Variants in TNS1 observed in about 807,000 individuals in gnomAD.
TNS1 encodes the protein tensin 1.
TNS1 carries 62 observed loss-of-function variants against 168.6 expected under a neutral mutation model. The ratio of observed to expected loss-of-function variants is 0.37; its 90% confidence interval spans 0.30 to 0.45. The LOEUF (loss-of-function observed/expected upper bound fraction) is 0.45, where lower values mean the gene tolerates loss of function less well. Among genes scored for constraint, TNS1 ranks in the 20% least tolerant of loss-of-function variants. The pLI is 1.00. For missense variants in TNS1, 2,240 were observed against 2,339.4 expected (o/e 0.96, Z 0.88); for synonymous variants, 934 against 933.2 (o/e 1.00, Z -0.02).
At chr2:217,964,928 G>A (rs1575143153) in intron 3 of TNS1, among the ~76,000 whole-genome samples, 1 of 152,218 alleles carries the variant, frequency 6.6e-6, no homozygotes, top group African/African-American at 2.4e-5. Flanking sequence ...GCTGCAAGGG[G>A]CATTGGCCAA....
At chr2:217,856,094 C>A (rs550438326) in intron 18 of TNS1, among the ~76,000 whole-genome samples, 1 of 152,302 alleles carries the variant, frequency 6.6e-6, no homozygotes, top group Non-Finnish European at 1.5e-5. Context: ...ACAACATATG[C>A]ATCGAAAAGT....
upstream of TNS1, among the ~76,000 whole-genome samples, chr2:218,014,567 T>C (rs1958739227): frequency 3.3e-5 from 5 of 152,336 alleles, no homozygotes; most frequent in South Asian, 1.0e-3. Flanking sequence ...CTATCTAATA[T>C]GGACTCTGTG....
At position 217,836,822 on chromosome 2, in the gene TNS1, C is replaced by T. The variant is rs75429082; in HGVS notation, c.3008-611G>A. ...AACTCCCCTTATACTGGCCTCTTAGCTCCCCGCCCCCTTTTCCCTGCCCCA... is the reference window on the plus strand; with the variant it reads ...AACTCCCCTTATACTGGCCTCTTAGTTCCCCGCCCCCTTTTCCCTGCCCCA... On this transcript the variant is annotated intron_variant, in intron 19 of 32. Transcript: ENST00000682258. Among the ~76,000 whole-genome samples the T allele has an allele frequency of 8.5e-4, 130 of 152,290 alleles. No homozygotes were observed. In the East Asian group the frequency reaches 0.022, roughly 26 times the overall value.
chr2:217,918,037 G>T (rs13426335), intron 4 of TNS1, among the ~76,000 whole-genome samples: 1 of 151,812 alleles, frequency 6.6e-6, no homozygotes, highest in Non-Finnish European at 1.5e-5. Context: ...GACAAGACAC[G>T]GGTGAACGAG....
chr2:217,920,318 T>TC (rs1955587250), intron 3 of TNS1, 82 bp from the exon 4 acceptor site: 1 of 696,944 alleles, frequency 1.4e-6, no homozygotes, highest in South Asian at 1.5e-5. Flanking sequence ...ACCCCACACC[T>TC]CCCCCTGCTT....
At chr2:217,836,268 A>G (rs1471744151) in intron 19 of TNS1, 57 bp from the exon 20 acceptor site, 3 of 1,522,308 alleles carry the variant, frequency 2.0e-6, no homozygotes, top group Non-Finnish European at 2.7e-6. Context: ...GAAATGATCA[A>G]TCGGCCTAAT....
In TNS1 at chr2:217,817,796, A is replaced by G. The variant is rs1161858564; in HGVS notation, c.4536T>C (p.Asn1512=). Residue 1512 remains asparagine (N), a synonymous_variant, in exon 24 of 33, where the codon AAT becomes AAC. Transcript: ENST00000682258. ...AGSLPNYATI[N]GKVSSPVASG... is the part of the protein sequence containing the mutation. ...TGGCGACAGGCGAAGACACCTTCCC[A>G]TTGATGGTGGCATAGTTGGGGAGGC... 6.2e-7 allele frequency: 1 copy of G among 1,614,206 alleles called. No homozygotes were observed.
intron 6 of TNS1, chr2:217,905,424 G>A (rs1280123394): frequency 1.2e-5 from 5 of 430,888 alleles, no homozygotes; most frequent in Non-Finnish European, 1.9e-5. Context: ...GGGCAATGTG[G>A]TGGTGGCAGT....
chr2:217,843,825 CT>C (rs1245867623), intron 19 of TNS1, among the ~76,000 whole-genome samples: 2 of 152,162 alleles, frequency 1.3e-5, no homozygotes, highest in Non-Finnish European at 1.5e-5. Context: ...AAGTTCTTTT[CT>C]CTCCAAGCCC....
Position 217,847,901 on chromosome 2 carries a change from C to G in TNS1, c.2616G>C (p.Gln872His), listed in dbSNP as rs765535009. Residue 872 changes from glutamine to histidine, a missense_variant, in exon 19 of 33, where the codon CAG becomes CAC. Around this residue, in one of 2 missense-constraint regions of TNS1, gnomAD observed 2,131 missense variants for 2,171.2 expected, o/e 0.98. Transcript: ENST00000682258. ...AWPGASPLSSQPLSGSSRQSH... is the reference protein window; with the variant it reads ...AWPGASPLSSHPLSGSSRQSH... ...ACTGACGGGAGGATCCAGAGAGGGG[C>G]TGGGAGGAGAGTGGAGAAGCCCCTG... 1.3e-6 allele frequency: 2 copies of G among 1,542,466 alleles called. No individual in the cohort carries two copies. The highest frequency in any genetic ancestry group is 1.8e-6 in the Non-Finnish European group (2 of 1,137,668).
intron 19 of TNS1, chr2:217,842,228 A>G (rs987214996): frequency 1.6e-6 from 1 of 629,300 alleles, no homozygotes; most frequent in African/African-American, 1.8e-5. Flanking sequence ...GTACACGTCA[A>G]CAATTCCCAT....
chr2:218,020,839 C>A (rs960615696), intron 1 of TNS1, among the ~76,000 whole-genome samples: 3 of 152,156 alleles, frequency 2.0e-5, no homozygotes. Flanking sequence ...ACCAATCCCC[C>A]CTTGACTATC....
At chr2:217,806,113 T>C (rs1025983956) in intron 32 of TNS1, among the ~76,000 whole-genome samples, 10 of 152,164 alleles carry the variant, frequency 6.6e-5, no homozygotes, top group Admixed American at 5.2e-4. Context: ...ATGCCAGCCC[T>C]GGCTGCGGGT....
intron 3 of TNS1, among the ~76,000 whole-genome samples, chr2:217,971,049 G>C (rs952323532): frequency 6.6e-6 from 1 of 152,158 alleles, no homozygotes; most frequent in African/African-American, 2.4e-5. Context: ...GGCTGCAAAG[G>C]AAGTGCACAT....
chr2:218,009,695 C>A (rs1028240798), intron 1 of TNS1, among the ~76,000 whole-genome samples: 1 of 152,196 alleles, frequency 6.6e-6, no homozygotes, highest in Non-Finnish European at 1.5e-5. Flanking sequence ...TTCTGGGGAT[C>A]GGGGGACAGG....
Position 217,813,796 on chromosome 2 carries a change from G to C in TNS1, c.4750C>G (p.Gln1584Glu). The change falls in exon 26 of 33, where the codon CAG (glutamine) becomes GAG (glutamate). Residue 1584 changes from glutamine (Q) to glutamate (E), a missense_variant. Around this residue, in one of 2 missense-constraint regions of TNS1, gnomAD observed 2,131 missense variants for 2,171.2 expected, o/e 0.98. Coordinates refer to ENST00000682258, the MANE Select transcript of TNS1 (RefSeq NM_001387777.1). This position sits in a 1 kb window ranked among gnomAD's most constrained non-coding sequence, Gnocchi z 4.0. ...CGGATGATGAAGGCCCCCGGCTCCT[G>C]GTCCTTGAGGAGCGCGATGGCTGCA... The part of the protein sequence containing the change: ...REQAIALLKD[Q>E]EPGAFIIRDS... 1.2e-6 allele frequency: 2 copies of C among 1,612,688 alleles called. No homozygotes were observed. The highest frequency in any genetic ancestry group is 1.7e-6 in the Non-Finnish European group (2 of 1,179,278).
chr2:217,833,426 T>A (rs1042585718), intron 21 of TNS1, among the ~76,000 whole-genome samples: 2 of 152,210 alleles, frequency 1.3e-5, no homozygotes, highest in Non-Finnish European at 2.9e-5. Flanking sequence ...TCCCTAACCC[T>A]GTGTGTCTAT....
In TNS1 at chr2:217,965,030, A is replaced by G. The variant is rs780963533; in HGVS notation, c.186+13735T>C. ...GGGCGGAGCAGAGATAAACAACTGCAGGGGAGGGGAATACACAGGGCCAGC... is the reference window on the plus strand; with the variant it reads ...GGGCGGAGCAGAGATAAACAACTGCGGGGGAGGGGAATACACAGGGCCAGC... On this transcript the variant is annotated intron_variant, in intron 3 of 32. Coordinates refer to ENST00000682258, the MANE Select transcript of TNS1 (RefSeq NM_001387777.1). 2.0e-5 allele frequency among the ~76,000 whole-genome samples: 3 copies of G among 152,186 alleles called. No individual in the cohort carries two copies. In the South Asian group the frequency reaches 6.2e-4, roughly 32 times the overall value.
chr2:217,994,491 A>G (rs1273845707), intron 1 of TNS1, among the ~76,000 whole-genome samples: 1 of 152,120 alleles, frequency 6.6e-6, no homozygotes, highest in Admixed American at 6.5e-5. Context: ...AGTCAGGCAA[A>G]GCTTCCCATT....
Sources: gnomAD v4.1 joint callset for allele counts (sites outside exome capture counted in the v4.1 genomes callset) on GRCh38, gnomAD v4.1.1 for gene constraint, gnomAD v4.1.1 regional missense constraint, Gnocchi (gnomAD v3.1) non-coding constraint, MANE v1.5 for transcripts, NCBI Gene and HGNC (gene_info 2026-07-23, HGNC 2026-07-21) for gene names.